The following UGT2B11 variants were observed in gnomAD, a reference collection of about 807,000 sequenced individuals.
UGT2B11 encodes UDP-glucuronosyltransferase 2B11.
A neutral mutation model predicts 51.7 loss-of-function variants in UGT2B11; 49 were observed. The observed-to-expected ratio is 0.95, with a 90% CI of 0.75 to 1.20. The LOEUF is 1.20. Among genes scored for constraint, UGT2B11 ranks in the 50% most tolerant of loss-of-function variants. The pLI, the probability that UGT2B11 is intolerant of heterozygous loss-of-function variation, is 0.00. For missense variants in UGT2B11, 810 were observed against 622.1 expected, an observed-to-expected ratio of 1.30 and a Z score of -3.21; for synonymous variants, 273 against 209.0, an observed-to-expected ratio of 1.31 and a Z score of -2.64.
chr4:69,212,831 G>C (rs1722124347), intron 1 of UGT2B11, 110 bp from the exon 2 acceptor site: 2 of 1,135,810 alleles, frequency 1.8e-6, no homozygotes, highest in African/African-American at 3.3e-5. Flanking sequence ...AAGTTTATGT[G>C]CTTTGAAAAA....
In UGT2B11 at chr4:69,212,636, T is replaced by C; in HGVS notation, c.807A>G (p.Pro269=). Reference sequence around the variant, plus strand: ...CAACAAAATCAACGTTTGGTAAGAATGGATGAGGAAATTGAAAACTCCAGG... The same window carrying C: ...CAACAAAATCAACGTTTGGTAAGAACGGATGAGGAAATTGAAAACTCCAGG... ...RNSWSFQFPH[P]FLPNVDFVGG... is the part of the protein sequence containing the mutation. Residue 269 remains proline, a synonymous_variant, in exon 2 of 6, where the codon CCA becomes CCG. Transcript: ENST00000446444. The C allele has an allele frequency of 2.5e-6, 4 of 1,610,638 alleles. No individual in the cohort carries two copies. The highest frequency in any genetic ancestry group is 3.4e-6 in the Non-Finnish European group (4 of 1,177,780).
chr4:69,224,977 T>C, the UGT2B11 span, among the ~76,000 whole-genome samples: 1 of 152,208 alleles, frequency 6.6e-6, no homozygotes, highest in Non-Finnish European at 1.5e-5. Context: ...TTAAGTTTTA[T>C]CTACTTTATA....
chr4:69,217,582 A>C (rs1398473189), upstream of UGT2B11, among the ~76,000 whole-genome samples: 1 of 152,024 alleles, frequency 6.6e-6, no homozygotes, highest in Non-Finnish European at 1.5e-5. Context: ...GCTGAAAGCT[A>C]TCTAGTATAA....
rs758121600 is a variant in UGT2B11, at chr4:69,205,595, C to T, written c.1003-28G>A. Reference sequence around the variant, plus strand: ...GTTACAGTAAAGAGAATATCTTATTCCATGAGTGGAACTCAAAAATTATAG... The same window carrying T: ...GTTACAGTAAAGAGAATATCTTATTTCATGAGTGGAACTCAAAAATTATAG... On this transcript the variant is annotated intron_variant, in intron 3 of 5. Coordinates refer to ENST00000446444, the MANE Select transcript of UGT2B11 (RefSeq NM_001073.3). 3 of 1,602,964 alleles carry T rather than the reference C, an allele frequency of 1.9e-6. No individual in the cohort carries two copies. In the South Asian group the frequency reaches 3.3e-5, roughly 18 times the overall value.
chr4:69,224,569 G>C, the UGT2B11 span, among the ~76,000 whole-genome samples: 2 of 152,106 alleles, frequency 1.3e-5, no homozygotes, highest in Admixed American at 6.5e-5. Flanking sequence ...GGACAGGACA[G>C]AATTGCAAGC....
rs779027116 is a variant in UGT2B11, at chr4:69,208,387, A to G, written c.966T>C (p.Asn322=). The change falls in exon 3 of 6, where the codon AAT becomes AAC. Residue 322 remains asparagine, a synonymous_variant. Transcript: ENST00000446444. ...VISNMTAERA[N]VIATALAKIP... is the part of the protein sequence containing the mutation. ...TCTTGGCAAGGGCTGTTGCAATTAC[A>G]TTGGCCCTTTCTGCTGTCATGTTAC... 86 of 1,610,856 alleles carry G rather than the reference A, an allele frequency of 5.3e-5. No homozygotes were observed. Among genetic ancestry groups the G allele is most frequent in the East Asian group, 8.9e-5 (4 of 44,752 alleles).
At chr4:69,207,223 G>A (rs1337548637) in intron 3 of UGT2B11, among the ~76,000 whole-genome samples, 1 of 151,628 alleles carries the variant, frequency 6.6e-6, no homozygotes, top group African/African-American at 2.4e-5. Context: ...TGATTAATAT[G>A]TTCTGCTATA....
the UGT2B11 span, among the ~76,000 whole-genome samples, chr4:69,220,264 C>CA: frequency 0.04 from 4 of 100 alleles, no homozygotes; most frequent in Non-Finnish European, 0.087. Context: ...GGCAGTTCAA[C>CA]CCTTTAGTTT....
intron 3 of UGT2B11, among the ~76,000 whole-genome samples, chr4:69,206,961 T>C (rs565690723): frequency 4.0e-5 from 6 of 151,788 alleles, no homozygotes; most frequent in Non-Finnish European, 8.9e-5. Context: ...CAAGATTTTA[T>C]GTATAACTTC....
rs138369385 is a variant in UGT2B11, at chr4:69,200,579, G to C, written c.1451C>G (p.Thr484Ser). The C allele has an allele frequency of 6.0e-5, 96 of 1,612,328 alleles. No individual in the cohort carries two copies. Among genetic ancestry groups the C allele is most frequent in the Non-Finnish European group, 8.1e-5 (96 of 1,179,042 alleles). Reference protein sequence around the residue: ...KHLRVAAHDLTWFQYHSLDVI... With the variant: ...KHLRVAAHDLSWFQYHSLDVI... Reference sequence around the variant, plus strand: ...ATCCAAAGAGTGGTACTGGAACCAGGTGAGGTCATGGGCTGCAACTCGAAG... The same window carrying C: ...ATCCAAAGAGTGGTACTGGAACCAGCTGAGGTCATGGGCTGCAACTCGAAG... The change falls in exon 6 of 6, where the codon ACC becomes AGC. Residue 484 changes from threonine (T) to serine (S), a missense_variant. Thr to Ser is a moderately conservative substitution (Grantham distance 58). Transcript: ENST00000446444.
intron 2 of UGT2B11, chr4:69,211,043 C>A (rs1221014453): frequency 1.3e-5 from 2 of 151,570 alleles, no homozygotes; most frequent in Non-Finnish European, 3.0e-5. Context: ...GCATTGTTCA[C>A]TATCTCTGTG....
chr4:69,220,628 G>A, the UGT2B11 span, among the ~76,000 whole-genome samples: 1 of 151,024 alleles, frequency 6.6e-6, no homozygotes, highest in African/African-American at 2.4e-5. Flanking sequence ...AGTAATAGTA[G>A]GATGGCTGTC....
upstream of UGT2B11, chr4:69,216,869 T>C (rs904145412): frequency 5.3e-5 from 8 of 152,096 alleles, no homozygotes; most frequent in Non-Finnish European, 1.0e-4. Context: ...GTTTCTAGTA[T>C]AAGAAAGCAG....
intron 3 of UGT2B11, 50 bp downstream of exon 3, chr4:69,208,301 T>C (rs373741636): frequency 5.0e-6 from 8 of 1,604,356 alleles, no homozygotes; most frequent in Non-Finnish European, 6.0e-6. Flanking sequence ...TCACAAACAT[T>C]AACAGCCTCT....
chr4:69,204,680 T>A, intron 4 of UGT2B11, 31 bp from the exon 5 acceptor site: 1 of 1,610,198 alleles, frequency 6.2e-7, no homozygotes, highest in Non-Finnish European at 8.5e-7. Context: ...GCAAAATTAT[T>A]CATAGGAATA....
chr4:69,217,345 A>T (rs1309446221), upstream of UGT2B11, among the ~76,000 whole-genome samples: 2 of 152,178 alleles, frequency 1.3e-5, no homozygotes, highest in African/African-American at 4.8e-5. Flanking sequence ...ATAATCTGTT[A>T]ACCTGAAATG....
At chr4:69,217,011 A>C (rs1238724582), upstream of UGT2B11, among the ~76,000 whole-genome samples, 1 of 152,036 alleles carries the variant, frequency 6.6e-6, no homozygotes, top group African/African-American at 2.4e-5. Context: ...TCCTGACATT[A>C]TTTTTCTGAC....
upstream of UGT2B11, chr4:69,215,680 C>A (rs576427376): frequency 6.7e-4 from 102 of 151,978 alleles, no homozygotes; most frequent in Middle Eastern, 3.4e-3. Flanking sequence ...TAAATATAAC[C>A]TTTTGAGGAA....
Position 69,200,311 on chromosome 4 carries a change from A to T in UGT2B11, c.*129T>A, listed in dbSNP as rs1721599605. ...TTTTACTTGACAAGGTAGATTTGAA[A>T]ATTTTTTTTTTTTTTTTTTTTTTGT... On this transcript the variant is annotated 3_prime_UTR_variant, in exon 6 of 6. Coordinates refer to ENST00000446444, the MANE Select transcript of UGT2B11 (RefSeq NM_001073.3). 1.3e-5 allele frequency: 13 copies of T among 1,000,282 alleles called. No individual in the cohort carries two copies. The Admixed American group carries it at 3.4e-4, about 26-fold the overall frequency. 62.0% of individuals were successfully genotyped at this position (1,000,282 alleles called of 1,614,324 possible). A position where few individuals can be genotyped will look rare whatever the true frequency, so the allele number is the denominator to read the frequency against.
Sources: allele counts gnomAD v4.1 joint callset (sites outside exome capture counted in the v4.1 genomes callset), GRCh38; gene constraint gnomAD v4.1.1; transcripts MANE v1.5; gene names NCBI Gene and HGNC (gene_info 2026-07-23, HGNC 2026-07-21).